RBFOX3: variants seen among roughly 807,000 people sequenced by gnomAD.
The protein encoded by RBFOX3 is RNA binding fox-1 homolog 3.
Under a neutral mutation model 48.7 loss-of-function variants are expected in RBFOX3, and 17 were observed. The ratio of observed to expected loss-of-function variants is 0.35; its 90% confidence interval spans 0.24 to 0.52. RBFOX3 has a LOEUF of 0.52. Among genes scored for constraint, RBFOX3 ranks in the 20% least tolerant of loss-of-function variants. The pLI is 0.94. For missense variants in RBFOX3, 382 were observed against 497.5 expected (o/e 0.77, Z 2.21); for synonymous variants, 212 against 209.5 (o/e 1.01, Z -0.10).
At chr17:79,097,832 G>A in intron 9 of RBFOX3, 87 bp from the exon 10 acceptor site, 1 of 1,400,030 alleles carries the variant, frequency 7.1e-7, no homozygotes, top group Non-Finnish European at 9.9e-7. Context: ...AGCGACACCG[G>A]TGGAGCCCTT....
intron 1 of RBFOX3, among the ~76,000 whole-genome samples, chr17:79,576,840 C>G (rs1407238956): frequency 1.3e-5 from 2 of 152,204 alleles, no homozygotes; most frequent in Non-Finnish European, 2.9e-5. Context: ...AGACAGCCTA[C>G]TGGTTCTGTT....
intron 3 of RBFOX3, among the ~76,000 whole-genome samples, chr17:79,281,264 T>C (rs1283967477): frequency 6.6e-6 from 1 of 152,176 alleles, no homozygotes; most frequent in Non-Finnish European, 1.5e-5. Flanking sequence ...CGTGGGCTTG[T>C]GGTTTAGCTT....
At chr17:79,213,647 GC>G (rs1429230220) in intron 4 of RBFOX3, among the ~76,000 whole-genome samples, 4 of 152,162 alleles carry the variant, frequency 2.6e-5, no homozygotes, top group African/African-American at 9.7e-5. Context: ...GATGTCCTGA[GC>G]CTTCCCCGGG....
intron 3 of RBFOX3, among the ~76,000 whole-genome samples, chr17:79,273,733 G>A (rs2068188432): frequency 2.6e-5 from 4 of 152,216 alleles, no homozygotes; most frequent in Admixed American, 2.6e-4. Context: ...CAGGATGGCT[G>A]TGGCCAGGTG....
chr17:79,477,871 C>A lies in RBFOX3; in HGVS notation c.-175+4583G>T, dbSNP rs2078167797. On this transcript the variant is annotated intron_variant, in intron 2 of 14. Coordinates refer to ENST00000693108, the MANE Select transcript of RBFOX3 (RefSeq NM_001350451.2). The surrounding 1 kb of genome is among the most constrained non-coding windows in gnomAD (Gnocchi z 4.8). ...AAGTCTTCTCATTAAAATATTGGATCCAAGAAGGAAATAAGATGCCCCTGT... is the reference window on the plus strand; with the variant it reads ...AAGTCTTCTCATTAAAATATTGGATACAAGAAGGAAATAAGATGCCCCTGT... 6.6e-6 allele frequency among the ~76,000 whole-genome samples: 1 copy of A among 152,136 alleles called. No individual in the cohort carries two copies. Among genetic ancestry groups the A allele is most frequent in the African/African-American group, 2.4e-5 (1 of 41,416 alleles).
chr17:79,610,667 A>C (rs1223373782), intron 1 of RBFOX3, among the ~76,000 whole-genome samples, 159 bp downstream of exon 1: 1 of 149,436 alleles, frequency 6.7e-6, no homozygotes, highest in East Asian at 2.0e-4. Flanking sequence ...GCGCCACCCC[A>C]CCCCACGCGC....
At chr17:79,636,610 A>G in the RBFOX3 span, among the ~76,000 whole-genome samples, 4 of 152,168 alleles carry the variant, frequency 2.6e-5, no homozygotes, top group African/African-American at 7.2e-5. Flanking sequence ...ATGGACTATT[A>G]TAACTATAAG....
At chr17:79,348,153 T>G (rs1360388344) in intron 2 of RBFOX3, among the ~76,000 whole-genome samples, 1 of 152,194 alleles carries the variant, frequency 6.6e-6, no homozygotes, top group Non-Finnish European at 1.5e-5. Flanking sequence ...CTCCTGGTCG[T>G]CTGCAGAAAA....
intron 1 of RBFOX3, among the ~76,000 whole-genome samples, chr17:79,510,387 C>A (rs1490481554): frequency 6.6e-6 from 1 of 152,240 alleles, no homozygotes; most frequent in Non-Finnish European, 1.5e-5. Context: ...GGGGCCAAGG[C>A]AAGCTGCCCC....
intron 3 of RBFOX3, among the ~76,000 whole-genome samples, chr17:79,283,955 C>G (rs1273030138): frequency 6.8e-6 from 1 of 147,618 alleles, no homozygotes; most frequent in Non-Finnish European, 1.5e-5. Flanking sequence ...AATGGAGATG[C>G]CTTCTCCAGG....
chr17:79,324,392 G>A (rs531672397), intron 2 of RBFOX3, among the ~76,000 whole-genome samples: 5 of 152,194 alleles, frequency 3.3e-5, no homozygotes, highest in African/African-American at 4.8e-5. Context: ...CTCCCTTCTG[G>A]GCAGACCCCA....
intron 2 of RBFOX3, among the ~76,000 whole-genome samples, chr17:79,376,229 C>T (rs750475954): frequency 5.3e-5 from 8 of 152,208 alleles, no homozygotes; most frequent in Admixed American, 3.3e-4. Context: ...GTCCCAGGGA[C>T]TCCCAGCCTG....
chr17:79,481,953 G>A lies in RBFOX3; in HGVS notation c.-175+501C>T, dbSNP rs1598884095. On this transcript the variant is annotated intron_variant, in intron 2 of 14. Transcript: ENST00000693108. The surrounding 1 kb of genome is among the most constrained non-coding windows in gnomAD (Gnocchi z 5.4). Reference sequence around the variant, plus strand: ...CCCTGTGGAGTCTGACGCTGACTCCGGCGGTTAGTGTCAGAGCTGAACGGC... The same window carrying A: ...CCCTGTGGAGTCTGACGCTGACTCCAGCGGTTAGTGTCAGAGCTGAACGGC... 2.0e-5 allele frequency among the ~76,000 whole-genome samples: 3 copies of A among 152,216 alleles called. No individual in the cohort carries two copies. The East Asian group carries it at 5.8e-4, about 29-fold the overall frequency.
intron 3 of RBFOX3, among the ~76,000 whole-genome samples, chr17:79,280,865 C>T (rs2070295122): frequency 6.6e-6 from 1 of 151,692 alleles, no homozygotes; most frequent in Non-Finnish European, 1.5e-5. Context: ...GGAGGGTCTC[C>T]TGCAGGCATG....
intron 1 of RBFOX3, among the ~76,000 whole-genome samples, chr17:79,569,418 C>T (rs913983986): frequency 3.9e-5 from 6 of 152,190 alleles, no homozygotes; most frequent in African/African-American, 7.2e-5. Context: ...GCTTCATTCC[C>T]TTCTATGGCT....
chr17:79,491,595 C>T (rs948761672), intron 1 of RBFOX3, among the ~76,000 whole-genome samples: 240 of 152,064 alleles, frequency 1.6e-3, no homozygotes, highest in African/African-American at 5.6e-3. Context: ...AGCCACCTCC[C>T]GGGTTTCGGG....
chr17:79,153,855 C>T (rs560686443), intron 4 of RBFOX3, among the ~76,000 whole-genome samples: 2 of 152,306 alleles, frequency 1.3e-5, no homozygotes, highest in African/African-American at 4.8e-5. Flanking sequence ...CATGCCCACA[C>T]AGGCCTGAGC....
chr17:79,396,884 G>A (rs1284163225), intron 2 of RBFOX3, among the ~76,000 whole-genome samples: 4 of 152,244 alleles, frequency 2.6e-5, no homozygotes, highest in East Asian at 1.9e-4. Context: ...CACCGGTCAC[G>A]GGTCCGTGAA....
intron 1 of RBFOX3, among the ~76,000 whole-genome samples, chr17:79,530,144 G>A (rs1042178390): frequency 1.3e-5 from 2 of 152,212 alleles, no homozygotes; most frequent in Non-Finnish European, 2.9e-5. Context: ...CCACAGAGAG[G>A]AGGAATCGGC....
Sources: gnomAD v4.1 joint callset for allele counts (sites outside exome capture counted in the v4.1 genomes callset) on GRCh38, gnomAD v4.1.1 for gene constraint, Gnocchi (gnomAD v3.1) non-coding constraint, MANE v1.5 for transcripts, NCBI Gene and HGNC (gene_info 2026-07-23, HGNC 2026-07-21) for gene names.